Variants in CNTN5 observed in about 807,000 individuals in gnomAD.
CNTN5 encodes the protein contactin-5.
CNTN5 carries 77 observed loss-of-function variants against 129.1 expected under a neutral mutation model. That is an observed-to-expected ratio of 0.60 (90% CI 0.50 to 0.72). The LOEUF is 0.72. Among genes scored for constraint, CNTN5 ranks in the 30% least tolerant of loss-of-function variants. The probability of loss-of-function intolerance (pLI) is 0.00; values close to 1 mark genes in which losing one functional copy is unlikely to be tolerated. For missense variants in CNTN5, 1,478 were observed against 1,328.8 expected, an observed-to-expected ratio of 1.11 and a Z score of -1.75; for synonymous variants, 509 against 465.6, an observed-to-expected ratio of 1.09 and a Z score of -1.20.
At chr11:100,002,662 AAG>A (rs1353601621) in intron 9 of CNTN5, among the ~76,000 whole-genome samples, 1 of 152,118 alleles carries the variant, frequency 6.6e-6, no homozygotes, top group African/African-American at 2.4e-5. Context: ...AAATGAGAGA[AAG>A]AATTTATGTC....
intron 7 of CNTN5, among the ~76,000 whole-genome samples, chr11:99,941,518 A>G (rs1950434790): frequency 6.7e-6 from 1 of 148,318 alleles, no homozygotes. Context: ...CTTCCCTAAG[A>G]AAACACTTAC....
intron 1 of CNTN5, among the ~76,000 whole-genome samples, chr11:99,032,657 C>T (rs975753817): frequency 5.9e-5 from 9 of 151,828 alleles, no homozygotes; most frequent in Non-Finnish European, 1.3e-4. Flanking sequence ...ACTGTAGATT[C>T]TGGATATTAG....
chr11:99,780,622 T>C (rs190984509), intron 3 of CNTN5, among the ~76,000 whole-genome samples: 131 of 152,200 alleles, frequency 8.6e-4, no homozygotes, highest in Non-Finnish European at 1.6e-3. Flanking sequence ...TAAAATCTAA[T>C]GGACAATATT....
intron 2 of CNTN5, among the ~76,000 whole-genome samples, chr11:99,493,297 G>A (rs1393211087): frequency 6.6e-6 from 1 of 152,234 alleles, no homozygotes; most frequent in Non-Finnish European, 1.5e-5. Flanking sequence ...TTCAAAAGAT[G>A]AAGTCAGCAT....
At chr11:100,186,638 G>C (rs983712597) in intron 13 of CNTN5, among the ~76,000 whole-genome samples, 1 of 152,098 alleles carries the variant, frequency 6.6e-6, no homozygotes, top group Non-Finnish European at 1.5e-5. Context: ...ACTTGATCTT[G>C]AATGCAAGAA....
intron 1 of CNTN5, among the ~76,000 whole-genome samples, chr11:99,226,661 T>G (rs1363137294): frequency 6.6e-6 from 1 of 151,834 alleles, no homozygotes; most frequent in African/African-American, 2.4e-5. Flanking sequence ...AAATCTACCT[T>G]GTGACTGGTA....
intron 3 of CNTN5, among the ~76,000 whole-genome samples, chr11:99,729,464 A>G (rs9666762): frequency 0.52 from 78,903 of 151,932 alleles, 21,108 homozygotes; most frequent in East Asian, 0.82. Flanking sequence ...TGCACCCTCA[A>G]GTAGGCCCCA....
chr11:99,447,227 T>C (rs1252113602), intron 2 of CNTN5, among the ~76,000 whole-genome samples: 1 of 152,220 alleles, frequency 6.6e-6, no homozygotes, highest in African/African-American at 2.4e-5. Flanking sequence ...TTGACATTCA[T>C]GTATATTAAA....
chr11:99,162,116 G>A (rs547521193), intron 1 of CNTN5, among the ~76,000 whole-genome samples: 1 of 152,166 alleles, frequency 6.6e-6, no homozygotes, highest in African/African-American at 2.4e-5. Context: ...GAAAGAAAAT[G>A]TATGTCTGCC....
intron 1 of CNTN5, among the ~76,000 whole-genome samples, chr11:99,316,361 T>A (rs534408042): frequency 1.3e-5 from 2 of 152,270 alleles, no homozygotes; most frequent in African/African-American, 4.8e-5. Context: ...AAATCACAGA[T>A]TTTTAGAGGG....
chr11:99,258,845 A>G (rs1040696279), intron 1 of CNTN5, among the ~76,000 whole-genome samples: 1 of 151,950 alleles, frequency 6.6e-6, no homozygotes, highest in Non-Finnish European at 1.5e-5. Context: ...AGACACTAAG[A>G]TATAAAATTA....
chr11:99,050,215 A>T (rs1367660863), intron 1 of CNTN5, among the ~76,000 whole-genome samples: 1 of 152,094 alleles, frequency 6.6e-6, no homozygotes, highest in Non-Finnish European at 1.5e-5. Context: ...GTATTGACTG[A>T]CACTTCAGTA....
chr11:99,375,326 A>AAAAT (rs1940108952), intron 2 of CNTN5, among the ~76,000 whole-genome samples: 1 of 144,348 alleles, frequency 6.9e-6, no homozygotes, highest in Non-Finnish European at 1.5e-5. Flanking sequence ...AAAAAAAAAA[A>AAAAT]GGAGAAATAA....
intron 18 of CNTN5, among the ~76,000 whole-genome samples, chr11:100,284,415 C>A (rs1950719589): frequency 6.6e-6 from 1 of 152,112 alleles, no homozygotes; most frequent in Admixed American, 6.5e-5. Flanking sequence ...ATAGACAGCC[C>A]TGTGTTTAAT....
intron 3 of CNTN5, among the ~76,000 whole-genome samples, chr11:99,613,887 G>A (rs1310577946): frequency 6.6e-6 from 1 of 152,106 alleles, no homozygotes; most frequent in Non-Finnish European, 1.5e-5. Context: ...TGTACTTTAT[G>A]TTTGGCTAAT....
intron 3 of CNTN5, among the ~76,000 whole-genome samples, chr11:99,732,004 A>G (rs539022956): frequency 6.6e-6 from 1 of 152,250 alleles, no homozygotes; most frequent in Admixed American, 6.5e-5. Flanking sequence ...GATTAGAATC[A>G]TAATTTTAAT....
intron 2 of CNTN5, among the ~76,000 whole-genome samples, chr11:99,492,627 T>G (rs547204542): frequency 6.6e-6 from 1 of 152,134 alleles, no homozygotes; most frequent in African/African-American, 2.4e-5. Context: ...ATCTTTTCCT[T>G]ACCCATTGCA....
chr11:100,289,043 C>T (rs1425210579), intron 18 of CNTN5, among the ~76,000 whole-genome samples: 2 of 152,180 alleles, frequency 1.3e-5, no homozygotes, highest in African/African-American at 4.8e-5. Flanking sequence ...CATACACTCT[C>T]CAAAGACTAA....
intron 2 of CNTN5, among the ~76,000 whole-genome samples, chr11:99,529,878 A>T (rs1450531468): frequency 6.6e-6 from 1 of 152,216 alleles, no homozygotes; most frequent in Non-Finnish European, 1.5e-5. Flanking sequence ...CAGTGAAATA[A>T]GATTAGAAAA....
Sources: allele counts gnomAD v4.1 joint callset (sites outside exome capture counted in the v4.1 genomes callset), GRCh38; gene constraint gnomAD v4.1.1; transcripts MANE v1.5; gene names NCBI Gene and HGNC (gene_info 2026-07-23, HGNC 2026-07-21).